The following DCAF8L2 variants were observed in gnomAD, a reference collection of about 807,000 sequenced individuals.
DCAF8L2 encodes DDB1 and CUL4 associated factor 8 like 2.
For synonymous variants in DCAF8L2, 200 were observed against 190.9 expected (o/e 1.05, Z -0.39); for missense variants, 430 against 490.7 (o/e 0.88, Z 1.17).
At chrX:27,616,367 A>C (rs1225799784) in intron 1 of DCAF8L2, among the ~76,000 whole-genome samples, 1 of 111,127 alleles carries the variant, frequency 9.0e-6, no homozygotes, top group Admixed American at 9.6e-5. Flanking sequence ...TAATGTTATT[A>C]TAATAAAAAA....
chrX:27,656,111 A>AT (rs1168999413), intron 2 of DCAF8L2, among the ~76,000 whole-genome samples: 1 of 111,414 alleles, frequency 9.0e-6, no homozygotes, highest in Non-Finnish European at 1.9e-5. Flanking sequence ...GGAGATATGT[A>AT]TTTGAAGTTT....
the DCAF8L2 span, chrX:27,519,017 A>G: frequency 2.3e-5 from 20 of 883,709 alleles, no homozygotes; most frequent in East Asian, 3.4e-4. Flanking sequence ...ATGGGAAACC[A>G]TGAACTATAC....
Position 27,747,008 on chromosome X carries a change from A to C in DCAF8L2, c.113A>C (p.Asp38Ala). 1.7e-6 allele frequency: 2 copies of C among 1,185,384 alleles called. No homozygotes were observed. Among genetic ancestry groups the C allele is most frequent in the Admixed American group, 2.4e-5 (1 of 41,834 alleles). ...GTGGCGGCGACAGAGGCCTCCTCAG[A>C]CATTGACATAGCGACCTCAGAGCTG... ...GAVAATEASS[D>A]IDIATSELSV... is the part of the protein sequence containing the mutation. Residue 38 changes from aspartate (D) to alanine (A), a missense_variant, in exon 5 of 5, where the codon GAC (aspartate) becomes GCC (alanine). Physicochemically the swap from Asp to Ala is moderately radical, Grantham distance 126. Transcript: ENST00000451261.
chrX:27,587,986 AT>A (rs1243807798), upstream of DCAF8L2, among the ~76,000 whole-genome samples: 2,979 of 51,626 alleles, frequency 0.058, 164 homozygotes, highest in African/African-American at 0.15. Context: ...AAAAAAAAAA[AT>A]ATATATATAT....
the DCAF8L2 span, among the ~76,000 whole-genome samples, chrX:27,542,744 G>A: frequency 1.9e-5 from 2 of 107,931 alleles, no homozygotes; most frequent in African/African-American, 3.4e-5. Context: ...GGGTTTCACC[G>A]TTTTAGCCGG....
At chrX:27,619,738 T>C (rs991820023) in intron 1 of DCAF8L2, among the ~76,000 whole-genome samples, 2 of 111,535 alleles carry the variant, frequency 1.8e-5, no homozygotes, top group Non-Finnish European at 3.8e-5. Context: ...AGTAGCCTAT[T>C]CAAATTCCTG....
At chrX:27,700,768 G>A (rs1931101024) in intron 3 of DCAF8L2, among the ~76,000 whole-genome samples, 1 of 110,739 alleles carries the variant, frequency 9.0e-6, no homozygotes. Flanking sequence ...TTTTTTCACT[G>A]CACATTATTT....
the DCAF8L2 span, among the ~76,000 whole-genome samples, chrX:27,482,939 A>G: frequency 9.0e-6 from 1 of 111,011 alleles, no homozygotes; most frequent in Non-Finnish European, 1.9e-5. Flanking sequence ...TCAAAATTGT[A>G]TTGTTTTGTG....
the DCAF8L2 span, among the ~76,000 whole-genome samples, chrX:27,517,564 C>G: frequency 1.8e-5 from 2 of 110,265 alleles, no homozygotes; most frequent in African/African-American, 6.6e-5. Context: ...ATTCCCTGGA[C>G]CAAAAGAAAA....
chrX:27,700,037 G>A (rs1412212983), intron 3 of DCAF8L2, among the ~76,000 whole-genome samples: 1 of 110,185 alleles, frequency 9.1e-6, no homozygotes, highest in African/African-American at 3.3e-5. Flanking sequence ...AAAAAGAAAA[G>A]AAAAGAAAAG....
the DCAF8L2 span, among the ~76,000 whole-genome samples, chrX:27,510,973 C>A: frequency 1.8e-5 from 2 of 110,730 alleles, no homozygotes; most frequent in Middle Eastern, 4.2e-3. Flanking sequence ...GTTGATTTTC[C>A]TTAGTATCAT....
the DCAF8L2 span, among the ~76,000 whole-genome samples, chrX:27,555,423 C>A: frequency 9.0e-6 from 1 of 111,627 alleles, no homozygotes; most frequent in Non-Finnish European, 1.9e-5. Context: ...CAAATGTTGG[C>A]ACAATGGGCT....
chrX:27,603,262 G>C (rs1337618823), intron 1 of DCAF8L2, among the ~76,000 whole-genome samples: 1 of 111,390 alleles, frequency 9.0e-6, no homozygotes, highest in Non-Finnish European at 1.9e-5. Context: ...ATTGCTTTCT[G>C]TTTAACTGTT....
At chrX:27,590,613 C>T (rs942364222) in intron 1 of DCAF8L2, among the ~76,000 whole-genome samples, 173 bp downstream of exon 1, 1 of 110,883 alleles carries the variant, frequency 9.0e-6, no homozygotes, top group Non-Finnish European at 1.9e-5. Context: ...GAAAATTTTA[C>T]AGTTGCCTGG....
intron 4 of DCAF8L2, among the ~76,000 whole-genome samples, chrX:27,723,448 A>C (rs946383617): frequency 2.2e-4 from 24 of 111,238 alleles, no homozygotes; most frequent in Non-Finnish European, 4.2e-4. Flanking sequence ...TCTTAGAAAA[A>C]CAAATACAAA....
intron 2 of DCAF8L2, among the ~76,000 whole-genome samples, chrX:27,671,811 A>C (rs765922945): frequency 2.7e-5 from 3 of 112,078 alleles, no homozygotes; most frequent in Non-Finnish European, 3.8e-5. Flanking sequence ...AATAATTCTA[A>C]CTGAAATACA....
chrX:27,599,159 AT>A (rs1185453953), intron 1 of DCAF8L2, among the ~76,000 whole-genome samples: 1 of 110,914 alleles, frequency 9.0e-6, no homozygotes, highest in African/African-American at 3.3e-5. Flanking sequence ...AATGTGGTAT[AT>A]ATACAGAATA....
At chrX:27,537,202 G>C in the DCAF8L2 span, among the ~76,000 whole-genome samples, 1 of 112,214 alleles carries the variant, frequency 8.9e-6, no homozygotes, top group East Asian at 2.8e-4. Context: ...TTGGTTAGAA[G>C]TCTTTCTGTT....
chrX:27,651,940 TACA>T (rs1397710199), intron 2 of DCAF8L2, among the ~76,000 whole-genome samples: 5 of 110,700 alleles, frequency 4.5e-5, no homozygotes, highest in Non-Finnish European at 9.4e-5. Context: ...TGTAAACTAC[TACA>T]ACAACATATT....
Sources: gnomAD v4.1 joint callset for allele counts (sites outside exome capture counted in the v4.1 genomes callset) on GRCh38, gnomAD v4.1.1 for gene constraint, MANE v1.5 for transcripts, NCBI Gene and HGNC (gene_info 2026-07-23, HGNC 2026-07-21) for gene names.